NRG4: variants seen among roughly 807,000 people sequenced by gnomAD.
NRG4 encodes the protein neuregulin 4.
NRG4 carries 10 observed loss-of-function variants against 15.0 expected under a neutral mutation model. The ratio of observed to expected loss-of-function variants is 0.67; its 90% CI spans 0.41 to 1.13. The LOEUF (loss-of-function observed/expected upper bound fraction) is 1.13. Ranked by LOEUF, NRG4 falls within the 50% of genes most tolerant of loss-of-function variation. NRG4 has a pLI of 0.00. For synonymous variants in NRG4, 41 were observed against 50.1 expected (o/e 0.82, Z 0.77); for missense variants, 139 against 140.2 (o/e 0.99, Z 0.04).
chr15:75,980,513 C>T (rs566020949), intron 3 of NRG4, among the ~76,000 whole-genome samples: 2 of 151,852 alleles, frequency 1.3e-5, no homozygotes, highest in East Asian at 1.9e-4. Context: ...TAATCAAATA[C>T]AGCAAATCAG....
intron 5 of NRG4, among the ~76,000 whole-genome samples, chr15:76,018,702 C>G (rs1480674200): frequency 6.6e-6 from 1 of 152,196 alleles, no homozygotes; most frequent in African/African-American, 2.4e-5. Flanking sequence ...CCTCTGGAAG[C>G]TTTGTCCCAG....
intron 3 of NRG4, chr15:75,969,173 T>A (rs746226615): frequency 1.3e-5 from 6 of 455,890 alleles, no homozygotes; most frequent in South Asian, 7.8e-5. Context: ...GCAGGGAAAA[T>A]CTCATGCCCA....
In NRG4 at chr15:75,943,544, T is replaced by G. The variant is rs895850706; in HGVS notation, c.*94A>C. 7.6e-6 allele frequency: 6 copies of G among 788,700 alleles called. No individual in the cohort carries two copies. In the African/African-American group the frequency reaches 1.0e-4, roughly 14 times the overall value. 48.9% of individuals were successfully genotyped at this position (788,700 alleles called of 1,614,324 possible). A position where few individuals can be genotyped will look rare whatever the true frequency, so the allele number is the denominator to read the frequency against. On this transcript the variant is annotated 3_prime_UTR_variant, in exon 6 of 6. Coordinates refer to ENST00000394907, the MANE Select transcript of NRG4 (RefSeq NM_138573.4). The stretch of plus-strand genomic sequence containing the variant: ...TTACACAAGCGTTTTATTTAAGAAA[T>G]AAAGGATTAGATTTTTAATTCTTTT...
Position 75,950,226 on chromosome 15 carries a change from T to G in NRG4, c.331+5706A>C, listed in dbSNP as rs369062814. On this transcript the variant is annotated intron_variant, in intron 5 of 5. Coordinates refer to ENST00000394907, the MANE Select transcript of NRG4 (RefSeq NM_138573.4). ...GCTTATGTACTTAATACATTGAGATTCTATCATTAATAATTTTTTTAAATT... is the reference window on the plus strand; with the variant it reads ...GCTTATGTACTTAATACATTGAGATGCTATCATTAATAATTTTTTTAAATT... Among the ~76,000 whole-genome samples, 107 of 152,378 alleles carry G rather than the reference T, an allele frequency of 7.0e-4. 1 individual carries two copies. In the South Asian group the frequency reaches 0.017, roughly 25 times the overall value.
intron 5 of NRG4, among the ~76,000 whole-genome samples, chr15:76,033,077 T>C (rs536095137): frequency 6.6e-6 from 1 of 152,318 alleles, no homozygotes; most frequent in Middle Eastern, 3.4e-3. Context: ...CCTAATTATA[T>C]TAAAGTGCAA....
intron 3 of NRG4, among the ~76,000 whole-genome samples, chr15:75,992,144 CTTCCCTTCCCTTTAT>C (rs1430948720): frequency 6.6e-6 from 1 of 152,128 alleles, no homozygotes; most frequent in Non-Finnish European, 1.5e-5. Flanking sequence ...GTTCCCTTTA[CTTCCCTTCCCTTTAT>C]GCCACAGTTG....
In NRG4 at chr15:76,045,733, T is replaced by C. The variant is rs942909926; in HGVS notation, c.-105+6334A>G. 4.0e-5 allele frequency among the ~76,000 whole-genome samples: 6 copies of C among 150,642 alleles called. 1 individual carries two copies. Among genetic ancestry groups the C allele is most frequent in the African/African-American group, 1.5e-4 (6 of 40,294 alleles). The stretch of plus-strand genomic sequence containing the variant: ...TGTGGGAGCTAAAAATTAAAATAAT[T>C]TAACTAATGGAGGTAGAGAGTGGAA... On this transcript the variant is annotated intron_variant, in intron 4 of 8. Transcript: ENST00000563910.
Position 76,028,178 on chromosome 15 carries a change from A to G in NRG4, c.-57+7766T>C, listed in dbSNP as rs114260277. ...GAAATAAAGATCAGAGCAGAAATAA[A>G]TAAAATTGAGAGAAAAAATACAAAA... On this transcript the variant is annotated intron_variant, in intron 5 of 8. Transcript: ENST00000563910. Among the ~76,000 whole-genome samples, 1,393 of 152,240 alleles carry G rather than the reference A, an allele frequency of 9.2e-3. 25 individuals are homozygous for G. Among genetic ancestry groups the G allele is most frequent in the African/African-American group, 0.031 (1,294 of 41,586 alleles).
At chr15:76,015,464 T>C (rs2034947498), upstream of NRG4, among the ~76,000 whole-genome samples, 1 of 152,230 alleles carries the variant, frequency 6.6e-6, no homozygotes, top group African/African-American at 2.4e-5. Context: ...TTCAGTATGA[T>C]ATTGGCTGTG....
rs576828261 is a variant in NRG4 at position 75,990,689 on chromosome 15, T to G, written c.104+18511A>C. Among the ~76,000 whole-genome samples the G allele has an allele frequency of 5.8e-3, 863 of 149,316 alleles. 6 individuals are homozygous for G. Among genetic ancestry groups the G allele is most frequent in the Middle Eastern group, 0.017 (5 of 292 alleles). The stretch of plus-strand genomic sequence containing the variant: ...GGTAATTGTTTTTTTTTTTTGTTTT[T>G]TTTTTTTTTGAGACAGGGTCTATGC... On this transcript the variant is annotated intron_variant, in intron 3 of 5. Coordinates refer to ENST00000394907, the MANE Select transcript of NRG4 (RefSeq NM_138573.4).
intron 4 of NRG4, among the ~76,000 whole-genome samples, chr15:76,048,152 C>CA (rs113391379): frequency 0.033 from 2,235 of 68,720 alleles, 97 homozygotes; most frequent in African/African-American, 0.094. Context: ...AACCCTGTTT[C>CA]AAAAAAAAAA....
At chr15:75,990,299 C>G (rs2033959531) in intron 3 of NRG4, among the ~76,000 whole-genome samples, 1 of 152,112 alleles carries the variant, frequency 6.6e-6, no homozygotes, top group Admixed American at 6.5e-5. Context: ...TGTCAACCTC[C>G]CTGACCTCTG....
chr15:75,993,290 G>GT (rs777701556), intron 3 of NRG4, among the ~76,000 whole-genome samples: 1,247 of 110,248 alleles, frequency 0.011, 11 homozygotes, highest in East Asian at 0.04. Flanking sequence ...TTTAAATATT[G>GT]TTTTTTTTTT....
At chr15:76,029,211 T>C (rs2035403562) in intron 5 of NRG4, among the ~76,000 whole-genome samples, 1 of 152,172 alleles carries the variant, frequency 6.6e-6, no homozygotes, top group African/African-American at 2.4e-5. Context: ...TACGATCATG[T>C]CAACAGGTGC....
chr15:75,982,499 T>C (rs927600861), intron 3 of NRG4, among the ~76,000 whole-genome samples: 3 of 152,202 alleles, frequency 2.0e-5, no homozygotes, highest in Non-Finnish European at 4.4e-5. Context: ...TAAGATGCTA[T>C]AGAATGACCA....
chr15:75,958,158 A>G (rs182574052), intron 4 of NRG4, among the ~76,000 whole-genome samples: 2,014 of 151,990 alleles, frequency 0.013, 19 homozygotes, highest in Non-Finnish European at 0.023. Context: ...GACTACAGGC[A>G]CCCGCCACCA....
At chr15:75,944,598 TTAA>T (rs1235316972) in intron 5 of NRG4, among the ~76,000 whole-genome samples, 27 of 152,354 alleles carry the variant, frequency 1.8e-4, no homozygotes, top group African/African-American at 6.5e-4. Flanking sequence ...AGGAAGGTCA[TTAA>T]TAAGTTTTAA....
chr15:76,051,721 G>A (rs2036024316), intron 4 of NRG4, among the ~76,000 whole-genome samples: 1 of 150,032 alleles, frequency 6.7e-6, no homozygotes, highest in African/African-American at 2.5e-5. Flanking sequence ...CCGCCACCAC[G>A]CCTGGCTAAT....
At chr15:76,016,102 C>A (rs973012627), upstream of NRG4, among the ~76,000 whole-genome samples, 5 of 152,094 alleles carry the variant, frequency 3.3e-5, no homozygotes, top group Non-Finnish European at 7.4e-5. Flanking sequence ...GGAATTTATC[C>A]ATTTCTTCTA....
Sources: allele counts gnomAD v4.1 joint callset (sites outside exome capture counted in the v4.1 genomes callset), GRCh38; gene constraint gnomAD v4.1.1; transcripts MANE v1.5; gene names NCBI Gene and HGNC (gene_info 2026-07-23, HGNC 2026-07-21).